The following LCORL variants were observed in gnomAD, a reference collection of about 807,000 sequenced individuals.
LCORL encodes ligand-dependent nuclear receptor corepressor-like protein.
Under a neutral mutation model 141.8 loss-of-function variants are expected in LCORL, and 41 were observed. The observed-to-expected ratio is 0.29, with a 90% CI of 0.23 to 0.38. The LOEUF (loss-of-function observed/expected upper bound fraction) is 0.38. Among genes scored for constraint, LCORL ranks in the 10% least tolerant of loss-of-function variants. The pLI is 1.00. For synonymous variants in LCORL, 618 were observed against 694.1 expected (o/e 0.89, Z 1.72); for missense variants, 1,759 against 2,035.0 (o/e 0.86, Z 2.61).
At chr4:17,944,557 C>G (rs1738522022) in intron 4 of LCORL, among the ~76,000 whole-genome samples, 1 of 152,070 alleles carries the variant, frequency 6.6e-6, no homozygotes, top group South Asian at 2.1e-4. Flanking sequence ...CTCCTGTGTT[C>G]CCATACTTTT....
intron 7 of LCORL, among the ~76,000 whole-genome samples, chr4:17,872,031 T>G (rs1017669255): frequency 6.6e-6 from 1 of 152,030 alleles, no homozygotes; most frequent in Non-Finnish European, 1.5e-5. Flanking sequence ...ATATAAGACC[T>G]GATACTACCT....
chr4:17,973,083 G>T (rs916562796), intron 1 of LCORL, among the ~76,000 whole-genome samples, 198 bp from the exon 2 acceptor site: 6 of 151,664 alleles, frequency 4.0e-5, no homozygotes, highest in Non-Finnish European at 8.9e-5. Context: ...TGACTGTAAA[G>T]AAATTAAAAT....
intron 3 of LCORL, among the ~76,000 whole-genome samples, chr4:17,962,599 C>G (rs1246624951): frequency 6.6e-6 from 1 of 151,904 alleles, no homozygotes; most frequent in East Asian, 1.9e-4. Flanking sequence ...ACATTATTCC[C>G]CTACTATTAA....
At chr4:17,879,293 T>C (rs1011613463) in intron 6 of LCORL, among the ~76,000 whole-genome samples, 1 of 151,108 alleles carries the variant, frequency 6.6e-6, no homozygotes, top group Non-Finnish European at 1.5e-5. Flanking sequence ...AGAGGTAATA[T>C]TTCACTTATA....
intron 4 of LCORL, among the ~76,000 whole-genome samples, chr4:17,928,503 C>T (rs962290423): frequency 2.6e-5 from 4 of 152,198 alleles, no homozygotes; most frequent in Non-Finnish European, 4.4e-5. Flanking sequence ...AATCTCCATA[C>T]ATGTAGAGAA....
intron 4 of LCORL, among the ~76,000 whole-genome samples, chr4:17,914,165 C>T (rs1733013825): frequency 6.6e-6 from 1 of 152,092 alleles, no homozygotes; most frequent in Non-Finnish European, 1.5e-5. Context: ...AAAGATATAC[C>T]ATTGCTTGAT....
Position 18,021,709 on chromosome 4 carries a change from C to T in LCORL, c.43G>A (p.Ala15Thr), listed in dbSNP as rs1391160444. The T allele has an allele frequency of 3.4e-5, 52 of 1,527,248 alleles. No individual in the cohort carries two copies. Among genetic ancestry groups the T allele is most frequent in the Non-Finnish European group, 4.4e-5 (50 of 1,137,608 alleles). 94.6% of individuals were successfully genotyped at this position (1,527,248 alleles called of 1,614,324 possible). The stretch of plus-strand genomic sequence containing the variant: ...TGAGCGGCGGCGGCGGCGGCGGCAG[C>T]AGCGGCGGCGGCAGCGGCCATTCTC... The change falls in exon 1 of 8, where the codon GCT becomes ACT. Residue 15 changes from alanine to threonine, a missense_variant. Transcript: ENST00000635767. The surrounding 1 kb of genome is among the most constrained non-coding windows in gnomAD (Gnocchi z 5.5).
chr4:17,993,451 C>T (rs1368846962), intron 1 of LCORL, among the ~76,000 whole-genome samples: 5 of 152,020 alleles, frequency 3.3e-5, no homozygotes, highest in East Asian at 1.9e-4. Flanking sequence ...GTGATCCTCC[C>T]GCCTCAGCCT....
At chr4:17,873,455 T>C (rs1242821396) in exon 7 of LCORL, 2 of 1,233,834 alleles carry the variant, frequency 1.6e-6, no homozygotes, top group South Asian at 8.2e-5. Context: ...GTCTTTTTGT[T>C]GACATTTCTG....
At chr4:17,878,018 T>C in exon 7 of LCORL, 2 of 1,230,588 alleles carry the variant, frequency 1.6e-6, no homozygotes, top group South Asian at 4.1e-5. Context: ...TTAAGGGCTT[T>C]TGAGATTCTG....
rs566859084 is a variant in LCORL, at chr4:17,945,411, G to T, written c.430+16492C>A. ...GACACTGACTGGCTTATAAATTGGG[G>T]TTTTTTTTTTTACACTAGAATTTAT... On this transcript the variant is annotated intron_variant, in intron 4 of 7. Coordinates refer to ENST00000635767, the Ensembl canonical transcript of LCORL. Among the ~76,000 whole-genome samples the T allele has an allele frequency of 2.1e-3, 308 of 145,184 alleles. 1 individual carries two copies. Among genetic ancestry groups the T allele is most frequent in the Middle Eastern group, 7.0e-3 (2 of 284 alleles).
exon 8 of LCORL, chr4:17,843,071 GTTCTGTT>G: frequency 3.1e-6 from 1 of 324,828 alleles, no homozygotes; most frequent in East Asian, 5.2e-5. Flanking sequence ...ATAACACCAG[GTTCTGTT>G]ATAGTATATA....
rs71167343 is a variant in LCORL, at chr4:17,925,878, C to CAA, written c.431-16535_431-16534dup. On this transcript the variant is annotated intron_variant, in intron 4 of 7. Coordinates refer to ENST00000635767, the Ensembl canonical transcript of LCORL. ...AGAGTGACAGAGTGAGATTCCATCT[C>CAA]AAAAAAAAAAAAAAAAAAAAAAAAA... 2.9e-3 allele frequency among the ~76,000 whole-genome samples: 281 copies of CAA among 96,570 alleles called. 32 individuals are homozygous for CAA. Among genetic ancestry groups the CAA allele is most frequent in the African/African-American group, 0.014 (255 of 18,570 alleles). The allele number at this position is 96,570 out of a possible 152,430, so 63.4% of individuals were successfully genotyped here. A position where few individuals can be genotyped will look rare whatever the true frequency, so the allele number is the denominator to read the frequency against.
intron 7 of LCORL, among the ~76,000 whole-genome samples, chr4:17,855,888 T>C (rs948753532): frequency 1.3e-5 from 2 of 152,234 alleles, no homozygotes; most frequent in Non-Finnish European, 2.9e-5. Context: ...AATATAGCAT[T>C]ATTGTGGCAA....
chr4:17,988,962 G>A (rs1719508092), intron 1 of LCORL, among the ~76,000 whole-genome samples: 1 of 152,096 alleles, frequency 6.6e-6, no homozygotes, highest in African/African-American at 2.4e-5. Flanking sequence ...CCAGCCTGGG[G>A]GACAGAGTGA....
chr4:18,011,621 C>G (rs1723806823), intron 1 of LCORL, among the ~76,000 whole-genome samples: 1 of 152,206 alleles, frequency 6.6e-6, no homozygotes, highest in Non-Finnish European at 1.5e-5. Flanking sequence ...TCCCTCCACT[C>G]TACTTTCCTG....
intron 1 of LCORL, among the ~76,000 whole-genome samples, chr4:17,992,378 C>G (rs946571821): frequency 6.6e-6 from 1 of 152,168 alleles, no homozygotes; most frequent in African/African-American, 2.4e-5. Context: ...TCCCCTAACA[C>G]GTGGGGATTA....
At chr4:17,914,384 CCATAT>C (rs1425764324) in intron 4 of LCORL, among the ~76,000 whole-genome samples, 1 of 152,056 alleles carries the variant, frequency 6.6e-6, no homozygotes, top group East Asian at 1.9e-4. Context: ...ATTATTAGAC[CCATAT>C]CATGTGACTA....
At chr4:17,900,838 A>G (rs1347408188) in intron 5 of LCORL, among the ~76,000 whole-genome samples, 2 of 152,174 alleles carry the variant, frequency 1.3e-5, no homozygotes, top group African/African-American at 4.8e-5. Context: ...AGGAAATAAA[A>G]GTGAGAGTAA....
Sources: gnomAD v4.1 joint callset for allele counts (sites outside exome capture counted in the v4.1 genomes callset) on GRCh38, gnomAD v4.1.1 for gene constraint, Gnocchi (gnomAD v3.1) non-coding constraint, MANE v1.5 for transcripts, NCBI Gene and HGNC (gene_info 2026-07-23, HGNC 2026-07-21) for gene names.